Variants in HR observed in about 807,000 individuals in gnomAD.
HR encodes the protein lysine-specific demethylase hairless.
A neutral mutation model predicts 128.6 loss-of-function variants in HR; 83 were observed. That is an observed-to-expected ratio of 0.65 (90% CI 0.54 to 0.77). The LOEUF is 0.77. HR is among the 30% of genes least tolerant of loss of function. The probability of loss-of-function intolerance (pLI) is 0.00; values close to 1 mark genes in which losing one functional copy is unlikely to be tolerated. For synonymous variants in HR, 681 were observed against 658.2 expected (o/e 1.03, Z -0.53); for missense variants, 1,490 against 1,574.6 (o/e 0.95, Z 0.91).
At position 22,120,474 on chromosome 8, in the gene HR, G is replaced by A. The variant is rs1447863860; in HGVS notation, c.2644C>T (p.Gln882Ter). Reference sequence around the variant, plus strand: ...GCTTCTGTCCCCCACAGGTTGCCCTGCAATGTCCTTTGGATCCCTGACACC... The same window carrying A: ...GCTTCTGTCCCCCACAGGTTGCCCTACAATGTCCTTTGGATCCCTGACACC... ...VLVSGIQRTL[Q>*]GNLWGTEALG... The change falls in exon 12 of 19, where the codon CAG becomes TAG. Residue 882 changes from glutamine (Q) to a stop codon, truncating the protein, a stop_gained. Coordinates refer to ENST00000381418, the MANE Select transcript of HR (RefSeq NM_005144.5). LOFTEE classifies it high-confidence loss of function. 6.2e-7 allele frequency: 1 copy of A among 1,613,888 alleles called. No individual in the cohort carries two copies. The highest frequency in any genetic ancestry group is 8.5e-7 in the Non-Finnish European group (1 of 1,180,042).
In HR at chr8:22,120,304, G is replaced by A; in HGVS notation, c.2776+38C>T. The A allele has an allele frequency of 1.9e-6, 3 of 1,613,546 alleles. No individual in the cohort carries two copies. The African/African-American group carries it at 4.0e-5, about 21-fold the overall frequency. ...CTGCCACCCGATCCCTAGGGCTTGG[G>A]CTCCCAGCTCCCTCTCCCCTGTGTT... On this transcript the variant is annotated intron_variant, in intron 12 of 18. Transcript: ENST00000381418.
In HR at chr8:22,125,872, C is replaced by T; in HGVS notation, c.1406-140G>A. On this transcript the variant is annotated intron_variant, in intron 3 of 18. Coordinates refer to ENST00000381418, the MANE Select transcript of HR (RefSeq NM_005144.5). ...AGGTCTCTGAAGCCTAATTCAGAAC[C>T]AGCAAGAGTGGACCAGGCAGCTGGA... 7.1e-6 allele frequency: 7 copies of T among 979,900 alleles called. No homozygotes were observed. The South Asian group carries it at 1.1e-4, about 15-fold the overall frequency. The allele number at this position is 979,900 out of a possible 1,614,324, so 60.7% of individuals were successfully genotyped here.
At position 22,121,214 on chromosome 8, in the gene HR, C is replaced by T. The variant is rs139027208; in HGVS notation, c.2218G>A (p.Ala740Thr). The change falls in exon 10 of 19, where the codon GCT becomes ACT. Residue 740 changes from alanine to threonine, a missense_variant. Around this residue, in one of 3 missense-constraint regions of HR, gnomAD observed 1,060 missense variants for 1,060.9 expected, o/e 1.00. Coordinates refer to ENST00000381418, the MANE Select transcript of HR (RefSeq NM_005144.5). ...GCACGGTCCTCTGCTGGGGTCTCAG[C>T]GGAATCGGGGGTCTCTGTCAGGGAG... ...KSIKEETPDSAETPAEDRAGR... is the reference protein window; with the variant it reads ...KSIKEETPDSTETPAEDRAGR... 5.0e-5 allele frequency: 81 copies of T among 1,613,762 alleles called. No individual in the cohort carries two copies. In the African/African-American group the frequency reaches 6.4e-4, roughly 13 times the overall value.
rs1426468803 is a variant in HR at position 22,120,770 on chromosome 8, C to A, written c.2556G>T (p.Gln852His). 2.6e-6 allele frequency: 4 copies of A among 1,528,590 alleles called. No homozygotes were observed. The highest frequency in any genetic ancestry group is 2.0e-5 in the Admixed American group (1 of 49,378). The allele number at this position is 1,528,590 out of a possible 1,614,324, so 94.7% of individuals were successfully genotyped here. A position where few individuals can be genotyped will look rare whatever the true frequency, so the allele number is the denominator to read the frequency against. ...GGTGGAAGCCACGCCGAGGGCAAGG[C>A]TGGGGCTCCTGCAGCCACAGCAAAG... is the stretch of plus-strand genomic sequence containing the variant. Reference protein sequence around the residue: ...PGALLWLQEPQPCPRRGFHLF... With the variant: ...PGALLWLQEPHPCPRRGFHLF... The change falls in exon 11 of 19, where the codon CAG (glutamine) becomes CAT (histidine). Residue 852 changes from glutamine to histidine, a missense_variant. By Grantham distance (24) the Gln-to-His change is conservative (BLOSUM62 0). Transcript: ENST00000381418.
In HR at chr8:22,122,771, C is replaced by T. The variant is rs970024474; in HGVS notation, c.2005+19G>A. On this transcript the variant is annotated intron_variant, in intron 7 of 18. Transcript: ENST00000381418. ...CAGGACCCAACCTCTGCACGCCCCA[C>T]CCCTCCAAGATGGCTCACCCTGGCT... The T allele has an allele frequency of 5.2e-6, 8 of 1,549,000 alleles. No individual in the cohort carries two copies. The African/African-American group carries it at 6.8e-5, about 13-fold the overall frequency.
Position 22,126,988 on chromosome 8 carries a change from C to T in HR, c.1405+49G>A, listed in dbSNP as rs555916244. The T allele has an allele frequency of 2.9e-5, 45 of 1,552,154 alleles. No homozygotes were observed. In the East Asian group the frequency reaches 6.3e-4, roughly 22 times the overall value. On this transcript the variant is annotated intron_variant, in intron 3 of 18. Transcript: ENST00000381418. ...CCCGCCCCATGCGAAGCCCCAGCCC[C>T]GGCTGCCCCCTCCCACGCAGGGCCT...
Position 22,115,674 on chromosome 8 carries a change from C to T in HR, c.*26G>A, listed in dbSNP as rs1826567588. On this transcript the variant is annotated 3_prime_UTR_variant, in exon 19 of 19. Coordinates refer to ENST00000381418, the MANE Select transcript of HR (RefSeq NM_005144.5). ...GAGCACCTGGTCTACCTGTCCCCAC[C>T]CCGATCCCAGACACCTAGCATCCCT... The T allele has an allele frequency of 6.2e-7, 1 of 1,611,230 alleles. No homozygotes were observed. The highest frequency in any genetic ancestry group is 8.5e-7 in the Non-Finnish European group (1 of 1,177,668).
At chr8:22,122,983 G>T (rs2131759197) in intron 6 of HR, 104 bp from the exon 7 acceptor site, 1 of 1,108,440 alleles carries the variant, frequency 9.0e-7, no homozygotes, top group African/African-American at 1.5e-5. Context: ...GGACTCAATA[G>T]TCCACAAAAC....
chr8:22,120,155 T>G lies in HR; in HGVS notation c.2795A>C (p.Glu932Ala). The G allele has an allele frequency of 6.3e-7, 1 of 1,593,366 alleles. No individual in the cohort carries two copies. The highest frequency in any genetic ancestry group is 8.5e-7 in the Non-Finnish European group (1 of 1,170,790). ...SWPELRPKSDEGSVLLLHRAL... is the reference protein window; with the variant it reads ...SWPELRPKSDAGSVLLLHRAL... ...TCGGTGCAGCAGGAGGACAGAGCCC[T>G]CGTCTGACTTTGGGCGAACTACAGG... The change falls in exon 13 of 19, where the codon GAG (glutamate) becomes GCG (alanine). Residue 932 changes from glutamate to alanine, a missense_variant. This residue lies in a region of HR where 423 missense variants were observed against 495.9 expected (regional missense o/e 0.85). Transcript: ENST00000381418.
At chr8:22,130,272 G>A (rs947122741) in intron 1 of HR, among the ~76,000 whole-genome samples, 156 bp downstream of exon 1, 1 of 152,220 alleles carries the variant, frequency 6.6e-6, no homozygotes, top group Non-Finnish European at 1.5e-5. Flanking sequence ...CCGCTCCGCC[G>A]TGGTCTGGCC....
At chr8:22,123,618 C>CCG in intron 6 of HR, 31 bp downstream of exon 6, 1 of 96,312 alleles carries the variant, frequency 1.0e-5, no homozygotes, top group Non-Finnish European at 1.9e-5. Context: ...AGGGCTCCAT[C>CCG]CCGCCCTCCC....
rs557243863 is a variant in HR at position 22,125,317 on chromosome 8, G to A, written c.1744C>T (p.Arg582Trp). Residue 582 changes from arginine (R) to tryptophan (W), a missense_variant, in exon 5 of 19, where the codon CGG (arginine) becomes TGG (tryptophan). Transcript: ENST00000381418. ...CCCAGGAGGTCCTGTTCACCTTCCCGCTGGGCCCAAGCCAGGGCCTCCCGC... is the reference window on the plus strand; with the variant it reads ...CCCAGGAGGTCCTGTTCACCTTCCCACTGGGCCCAAGCCAGGGCCTCCCGC... ...REREALAWAQ[R>W]EGQGPAVTED... 10 of 1,574,660 alleles carry A rather than the reference G, an allele frequency of 6.4e-6. No individual in the cohort carries two copies. Among genetic ancestry groups the A allele is most frequent in the Admixed American group, 1.9e-5 (1 of 54,012 alleles).
chr8:22,115,797 T>G (rs1826570703), intron 18 of HR, 35 bp from the exon 19 acceptor site: 8 of 1,603,954 alleles, frequency 5.0e-6, no homozygotes, highest in Non-Finnish European at 6.8e-6. Context: ...CATTTTCAAC[T>G]ACATTCCTGG....
At chr8:22,123,951 G>A in intron 5 of HR, 138 bp from the exon 6 acceptor site, 1 of 998,076 alleles carries the variant, frequency 1.0e-6, no homozygotes, top group South Asian at 1.4e-5. Context: ...AGGGAAGGGA[G>A]ACAGGCCCCT....
At position 22,122,488 on chromosome 8, in the gene HR, C is replaced by T. The variant is rs751529965; in HGVS notation, c.2121+5G>A. 1 of 1,598,076 alleles carries T rather than the reference C, an allele frequency of 6.3e-7. No homozygotes were observed. The highest frequency in any genetic ancestry group is 1.3e-5 in the African/African-American group (1 of 74,648). ...ACCCAACCGGTGACATGCCCTGGGT[C>T]TTACCTGCTGGCCTGCATCCCCGGG... On this transcript the variant is annotated splice_donor_5th_base_variant and intron_variant, in intron 8 of 18. Coordinates refer to ENST00000381418, the MANE Select transcript of HR (RefSeq NM_005144.5).
chr8:22,121,771 A>G, intron 8 of HR, 77 bp from the exon 9 acceptor site: 1 of 1,380,768 alleles, frequency 7.2e-7, no homozygotes, highest in Non-Finnish European at 1.0e-6. Context: ...AGAACCCACA[A>G]GAATGAACAA....
At chr8:22,128,062 G>A (rs1049317886) in intron 2 of HR, 3 of 613,236 alleles carry the variant, frequency 4.9e-6, no homozygotes, top group African/African-American at 3.7e-5. Context: ...GAACTAAAGA[G>A]TGAATGCCTG....
chr8:22,123,617 T>TTGGGGGGGCCCC, intron 6 of HR, 32 bp downstream of exon 6: 12 of 292,090 alleles, frequency 4.1e-5, no homozygotes, highest in Non-Finnish European at 7.5e-5. Flanking sequence ...GAGGGCTCCA[T>TTGGGGGGGCCCC]CCCGCCCTCC....
chr8:22,125,868 G>T, intron 3 of HR, 136 bp from the exon 4 acceptor site: 1 of 1,017,350 alleles, frequency 9.8e-7, no homozygotes, highest in Non-Finnish European at 1.4e-6. Context: ...GCCTAATTCA[G>T]AACCAGCAAG....
Sources: gnomAD v4.1 joint callset for allele counts (sites outside exome capture counted in the v4.1 genomes callset) on GRCh38, gnomAD v4.1.1 for gene constraint, gnomAD v4.1.1 regional missense constraint, MANE v1.5 for transcripts, NCBI Gene and HGNC (gene_info 2026-07-23, HGNC 2026-07-21) for gene names.